THSD4: variants seen among roughly 807,000 people sequenced by gnomAD.
THSD4 encodes the protein thrombospondin type 1 domain containing 4.
In THSD4, 69 loss-of-function variants were observed where a neutral mutation model predicts 119.0. The observed-to-expected ratio is 0.58, with a 90% CI of 0.48 to 0.71. THSD4 has a LOEUF of 0.71. Ranked by LOEUF, THSD4 falls within the 30% of genes least tolerant of loss-of-function variation. The pLI is 0.00. For missense variants in THSD4, 1,393 were observed against 1,391.1 expected (o/e 1.00, Z -0.02); for synonymous variants, 524 against 540.4 (o/e 0.97, Z 0.42).
At chr15:71,225,444 G>T (rs1486124337) in intron 4 of THSD4, among the ~76,000 whole-genome samples, 1 of 151,636 alleles carries the variant, frequency 6.6e-6, no homozygotes, top group Non-Finnish European at 1.5e-5. Flanking sequence ...GAGACCAACT[G>T]CTGTTTTAAA....
intron 6 of THSD4, among the ~76,000 whole-genome samples, chr15:71,362,288 T>C (rs987497761): frequency 1.3e-5 from 2 of 152,114 alleles, no homozygotes; most frequent in Non-Finnish European, 1.5e-5. Context: ...CAAAAAAAAT[T>C]ATAATGAGTG....
chr15:71,483,501 A>G (rs188785338), intron 7 of THSD4, among the ~76,000 whole-genome samples: 12 of 152,272 alleles, frequency 7.9e-5, no homozygotes, highest in Admixed American at 4.6e-4. Flanking sequence ...TGAGAAGAGC[A>G]TTTGACTGGT....
In THSD4 at chr15:71,777,540, CTT is replaced by C; in HGVS notation, c.*170_*171del. On this transcript the variant is annotated 3_prime_UTR_variant, in exon 18 of 18. Coordinates refer to ENST00000261862, the MANE Select transcript of THSD4 (RefSeq NM_024817.3). Reference sequence around the variant, plus strand: ...GAATGCACCCCGTGGTACCCAGGGGCTTTTTACACAAGATGTTTGAAAGCCAC... The same window carrying C: ...GAATGCACCCCGTGGTACCCAGGGGCTTTACACAAGATGTTTGAAAGCCAC... 1.1e-6 allele frequency: 1 copy of C among 884,130 alleles called. No homozygotes were observed. Among genetic ancestry groups the C allele is most frequent in the Non-Finnish European group, 1.7e-6 (1 of 594,828 alleles). 54.8% of individuals were successfully genotyped at this position (884,130 alleles called of 1,614,324 possible). A position where few individuals can be genotyped will look rare whatever the true frequency, so the allele number is the denominator to read the frequency against.
At chr15:71,344,362 C>G (rs1486311079) in intron 6 of THSD4, among the ~76,000 whole-genome samples, 1 of 152,168 alleles carries the variant, frequency 6.6e-6, no homozygotes, top group Non-Finnish European at 1.5e-5. Context: ...TTCTTAATAA[C>G]ATCTGTGAAG....
At chr15:71,428,134 A>T (rs745859398) in intron 7 of THSD4, among the ~76,000 whole-genome samples, 1 of 152,170 alleles carries the variant, frequency 6.6e-6, no homozygotes, top group Non-Finnish European at 1.5e-5. Flanking sequence ...TTCTACCCCA[A>T]CCCACCACCA....
intron 6 of THSD4, among the ~76,000 whole-genome samples, chr15:71,329,608 C>A (rs2045395984): frequency 6.6e-6 from 1 of 152,218 alleles, no homozygotes; most frequent in Non-Finnish European, 1.5e-5. Context: ...ATGTCTCAGG[C>A]AGTATGCTGG....
intron 4 of THSD4, among the ~76,000 whole-genome samples, chr15:71,216,590 A>G (rs1399029896): frequency 6.6e-6 from 1 of 152,226 alleles, no homozygotes; most frequent in Non-Finnish European, 1.5e-5. Context: ...AAGTTTGAGT[A>G]GACAGAAGAG....
chr15:71,459,406 GTC>G (rs1234322245), intron 7 of THSD4, among the ~76,000 whole-genome samples: 27 of 66,280 alleles, frequency 4.1e-4, no homozygotes, highest in African/African-American at 8.4e-4. Context: ...CTCTCTCTCT[GTC>G]TCTCTCTCTC....
chr15:71,482,713 G>A (rs1404733285), intron 7 of THSD4, among the ~76,000 whole-genome samples: 1 of 152,080 alleles, frequency 6.6e-6, no homozygotes, highest in African/African-American at 2.4e-5. Flanking sequence ...AGCCTCCCAA[G>A]TAGCTGAGAC....
At chr15:71,556,347 C>G (rs2049016124) in intron 7 of THSD4, among the ~76,000 whole-genome samples, 1 of 151,330 alleles carries the variant, frequency 6.6e-6, no homozygotes, top group Non-Finnish European at 1.5e-5. Context: ...ACACAAAGGT[C>G]TTATACATCT....
chr15:71,532,239 A>C (rs954628905), intron 7 of THSD4, among the ~76,000 whole-genome samples: 2 of 148,316 alleles, frequency 1.3e-5, no homozygotes, highest in African/African-American at 4.9e-5. Context: ...CTAAACTCTT[A>C]GCACTGACTG....
chr15:71,291,365 G>A (rs1408200271), intron 6 of THSD4, among the ~76,000 whole-genome samples: 1 of 152,046 alleles, frequency 6.6e-6, no homozygotes, highest in Admixed American at 6.5e-5. Flanking sequence ...AGTTAGGGAG[G>A]CTGAGAAGTC....
intron 7 of THSD4, among the ~76,000 whole-genome samples, chr15:71,641,151 C>T (rs981888425): frequency 1.3e-5 from 2 of 152,142 alleles, no homozygotes; most frequent in African/African-American, 4.8e-5. Flanking sequence ...TACTATGTTC[C>T]AGGCATGGTG....
chr15:71,454,179 C>T (rs1437515188), intron 7 of THSD4, among the ~76,000 whole-genome samples: 1 of 152,136 alleles, frequency 6.6e-6, no homozygotes. Context: ...ATCGCTTGAA[C>T]CCAGGAGGTG....
intron 1 of THSD4, among the ~76,000 whole-genome samples, chr15:71,126,595 A>G (rs2040458483): frequency 6.6e-6 from 1 of 152,246 alleles, no homozygotes; most frequent in Non-Finnish European, 1.5e-5. Context: ...CTCACACTGA[A>G]TGAAAAAGAC....
At chr15:71,434,714 T>TA (rs1241787735) in intron 7 of THSD4, among the ~76,000 whole-genome samples, 1 of 152,060 alleles carries the variant, frequency 6.6e-6, no homozygotes, top group Non-Finnish European at 1.5e-5. Flanking sequence ...CGGAGAAGCT[T>TA]AAAAAAAGTG....
At chr15:71,130,159 G>T (rs1172139837) in intron 1 of THSD4, among the ~76,000 whole-genome samples, 1 of 152,144 alleles carries the variant, frequency 6.6e-6, no homozygotes, top group Non-Finnish European at 1.5e-5. Context: ...TACATTTGAT[G>T]CAGTGTGTCA....
chr15:71,698,914 C>T (rs9744430), intron 8 of THSD4, among the ~76,000 whole-genome samples: 5 of 151,458 alleles, frequency 3.3e-5, no homozygotes, highest in Admixed American at 3.3e-4. Context: ...TAGAGCTTGG[C>T]AGGAAGGGGG....
At chr15:71,670,678 A>G (rs771537906) in intron 8 of THSD4, among the ~76,000 whole-genome samples, 10 of 150,518 alleles carry the variant, frequency 6.6e-5, no homozygotes, top group Non-Finnish European at 1.0e-4. Flanking sequence ...CCCCGGTGTG[A>G]TGTTCCCCAT....
Sources: gnomAD v4.1 joint callset for allele counts (sites outside exome capture counted in the v4.1 genomes callset) on GRCh38, gnomAD v4.1.1 for gene constraint, MANE v1.5 for transcripts, NCBI Gene and HGNC (gene_info 2026-07-23, HGNC 2026-07-21) for gene names.